FARS2: variants seen among roughly 807,000 people sequenced by gnomAD.
FARS2 encodes phenylalanyl-tRNA synthetase 2, mitochondrial.
A neutral mutation model predicts 46.4 loss-of-function variants in FARS2; 40 were observed. The observed-to-expected ratio is 0.86, with a 90% confidence interval of 0.67 to 1.12. The LOEUF is 1.12. Ranked by LOEUF, FARS2 falls within the 50% of genes most tolerant of loss-of-function variation. The pLI is 0.00. For synonymous variants in FARS2, 234 were observed against 214.9 expected, an observed-to-expected ratio of 1.09 and a Z score of -0.78; for missense variants, 513 against 567.9, an observed-to-expected ratio of 0.90 and a Z score of 0.98.
At chr6:5,274,796 C>A (rs1042477548) in intron 1 of FARS2, among the ~76,000 whole-genome samples, 11 of 152,172 alleles carry the variant, frequency 7.2e-5, no homozygotes, top group Admixed American at 1.3e-4. Flanking sequence ...CTGCAGCCTC[C>A]AACTTCCGGG....
At chr6:5,719,442 G>GAGAAAGAGAGAA (rs1554129044) in intron 6 of FARS2, among the ~76,000 whole-genome samples, 2 of 144,674 alleles carry the variant, frequency 1.4e-5, no homozygotes, top group Middle Eastern at 3.5e-3. Flanking sequence ...AGGAAAGAAA[G>GAGAAAGAGAGAA]AGAGAAAGAG....
chr6:5,341,223 ATATATATATATATTT>A lies in FARS2; in HGVS notation c.-21-27325_-21-27311del, dbSNP rs1435289277. On this transcript the variant is annotated intron_variant, in intron 1 of 6. Transcript: ENST00000274680. The stretch of plus-strand genomic sequence containing the variant: ...TATATATATATATATATATATATAT[ATATATATATATATTT>A]TTTTTTTTTTTTTTTTTTTCCCTGT... Among the ~76,000 whole-genome samples, 13 of 5,294 alleles carry A rather than the reference ATATATATATATATTT, an allele frequency of 2.5e-3. No homozygotes were observed. The East Asian group carries it at 0.079, about 32-fold the overall frequency. The allele number at this position is 5,294 out of a possible 152,430, so 3.5% of individuals were successfully genotyped here.
chr6:5,763,767 G>GTTTTTTTTTTTTTTT (rs1561843515), intron 6 of FARS2, among the ~76,000 whole-genome samples: 2 of 23,498 alleles, frequency 8.5e-5, no homozygotes, highest in Non-Finnish European at 3.4e-4. Context: ...CTTCCCTTTT[G>GTTTTTTTTTTTTTTT]GTTTTTTTTT....
At chr6:5,420,851 C>T (rs543168034) in intron 3 of FARS2, among the ~76,000 whole-genome samples, 80 of 152,250 alleles carry the variant, frequency 5.3e-4, no homozygotes, top group Non-Finnish European at 8.8e-4. Context: ...TCCCTCCTGC[C>T]GCAAGCCCAC....
rs550530784 is a variant in FARS2, at chr6:5,492,430, A to G, written c.905-52750A>G. 1.3e-3 allele frequency among the ~76,000 whole-genome samples: 195 copies of G among 152,358 alleles called. 1 individual carries two copies. Among genetic ancestry groups the G allele is most frequent in the Non-Finnish European group, 3.5e-4 (24 of 68,034 alleles). ...GTTAAAGGATAAACTCTGAAAAAGT[A>G]AAATGTATTATGTAAACATTGATAA... is the stretch of plus-strand genomic sequence containing the variant. On this transcript the variant is annotated intron_variant, in intron 4 of 6. Coordinates refer to ENST00000274680, the MANE Select transcript of FARS2 (RefSeq NM_006567.5).
At position 5,405,114 on chromosome 6, in the gene FARS2, C is replaced by T. The variant is rs543773872; in HGVS notation, c.772+413C>T. ...GCCAGGCCTGAAATTCTTGCATATA[C>T]ATAATGAGATGTCTTGGGGATGGGA... On this transcript the variant is annotated intron_variant, in intron 3 of 6. Coordinates refer to ENST00000274680, the MANE Select transcript of FARS2 (RefSeq NM_006567.5). Among the ~76,000 whole-genome samples, 3 of 152,098 alleles carry T rather than the reference C, an allele frequency of 2.0e-5. No individual in the cohort carries two copies. In the East Asian group the frequency reaches 5.8e-4, roughly 29 times the overall value.
the FARS2 span, among the ~76,000 whole-genome samples, chr6:5,253,847 A>C: frequency 2.0e-5 from 3 of 147,126 alleles, no homozygotes; most frequent in Non-Finnish European, 4.5e-5. Context: ...AAAAAAAAAA[A>C]ACCATCGTTT....
At chr6:5,562,445 C>T (rs1313712333) in intron 5 of FARS2, among the ~76,000 whole-genome samples, 1 of 152,124 alleles carries the variant, frequency 6.6e-6, no homozygotes, top group African/African-American at 2.4e-5. Context: ...TGATTCAAAG[C>T]ATGAACTCAT....
At chr6:5,354,669 A>C (rs1167829000) in intron 1 of FARS2, among the ~76,000 whole-genome samples, 1 of 152,048 alleles carries the variant, frequency 6.6e-6, no homozygotes, top group South Asian at 2.1e-4. Flanking sequence ...GCCCGCCACC[A>C]CGCCCAGCTA....
intron 4 of FARS2, among the ~76,000 whole-genome samples, chr6:5,540,496 C>A (rs1407447955): frequency 2.0e-5 from 3 of 152,070 alleles, no homozygotes; most frequent in Non-Finnish European, 4.4e-5. Context: ...GAACACCAGC[C>A]CTTTTTTGCT....
intron 6 of FARS2, among the ~76,000 whole-genome samples, chr6:5,740,052 C>G (rs1761234745): frequency 6.6e-6 from 1 of 152,178 alleles, no homozygotes; most frequent in South Asian, 2.1e-4. Flanking sequence ...TTAAAGGCCC[C>G]CAGAGTCCAT....
intron 2 of FARS2, among the ~76,000 whole-genome samples, chr6:5,389,324 A>G (rs1016615013): frequency 9.9e-5 from 15 of 151,902 alleles, no homozygotes; most frequent in Admixed American, 5.9e-4. Flanking sequence ...CTCCCTTGCC[A>G]TCTTCTCTCT....
At chr6:5,372,194 A>G (rs571554693) in intron 2 of FARS2, among the ~76,000 whole-genome samples, 53 of 152,252 alleles carry the variant, frequency 3.5e-4, no homozygotes, top group South Asian at 6.2e-4. Context: ...ATTTATAACC[A>G]TGTTAGAAGA....
chr6:5,272,819 C>T (rs911764900), intron 1 of FARS2, among the ~76,000 whole-genome samples: 1 of 152,114 alleles, frequency 6.6e-6, no homozygotes, highest in African/African-American at 2.4e-5. Flanking sequence ...CTGCCCTGTA[C>T]CCTTCTTGGC....
intron 6 of FARS2, among the ~76,000 whole-genome samples, chr6:5,717,935 T>TATATATAGAGAGAGAGAGAGAGAGAG (rs546191530): frequency 3.7e-5 from 5 of 135,624 alleles, no homozygotes; most frequent in African/African-American, 1.5e-4. Context: ...TATATATATA[T>TATATATAGAGAGAGAGAGAGAGAGAG]ACAGAGTCTC....
chr6:5,540,026 A>G (rs1210690741), intron 4 of FARS2, among the ~76,000 whole-genome samples: 1 of 152,136 alleles, frequency 6.6e-6, no homozygotes, highest in Non-Finnish European at 1.5e-5. Context: ...CATGGCAACC[A>G]TGGGGCTCCC....
At chr6:5,251,819 G>A in the FARS2 span, among the ~76,000 whole-genome samples, 1 of 152,204 alleles carries the variant, frequency 6.6e-6, no homozygotes, top group Admixed American at 6.5e-5. Context: ...CCGCAACAAG[G>A]AAAACATGTG....
At chr6:5,660,500 G>A (rs1267291613) in intron 6 of FARS2, among the ~76,000 whole-genome samples, 1 of 151,988 alleles carries the variant, frequency 6.6e-6, no homozygotes, top group East Asian at 1.9e-4. Flanking sequence ...TTAAAAAATT[G>A]GCTGGGCATG....
intron 5 of FARS2, among the ~76,000 whole-genome samples, chr6:5,553,788 G>A (rs77783254): frequency 0.013 from 1,967 of 152,218 alleles, 43 homozygotes; most frequent in African/African-American, 0.045. Flanking sequence ...GTCTGGGGGG[G>A]TGCCTGGGAT....
Sources: allele counts gnomAD v4.1 joint callset (sites outside exome capture counted in the v4.1 genomes callset), GRCh38; gene constraint gnomAD v4.1.1; transcripts MANE v1.5; gene names NCBI Gene and HGNC (gene_info 2026-07-23, HGNC 2026-07-21).